Variants in ELAVL2 observed in about 807,000 individuals in gnomAD.
ELAVL2 encodes ELAV like RNA binding protein 2, also known as ELAV-like protein 2.
A neutral mutation model predicts 34.6 loss-of-function variants in ELAVL2; 4 were observed. The ratio of observed to expected loss-of-function variants is 0.12; its 90% CI spans 0.06 to 0.26. The LOEUF (loss-of-function observed/expected upper bound fraction) is 0.26, where lower values mean the gene tolerates loss of function less well. Ranked by LOEUF, ELAVL2 falls within the 10% of genes least tolerant of loss-of-function variation. The pLI is 1.00. For synonymous variants in ELAVL2, 193 were observed against 154.8 expected, an observed-to-expected ratio of 1.25 and a Z score of -1.83; for missense variants, 432 against 442.8, an observed-to-expected ratio of 0.98 and a Z score of 0.22.
intron 1 of ELAVL2, among the ~76,000 whole-genome samples, chr9:23,806,056 A>G (rs1000693456): frequency 1.3e-5 from 2 of 151,934 alleles, no homozygotes; most frequent in South Asian, 4.1e-4. Context: ...GGATGAAAAG[A>G]AATAGCACTT....
At chr9:23,728,992 T>C (rs2134414847) in intron 3 of ELAVL2, among the ~76,000 whole-genome samples, 1 of 152,276 alleles carries the variant, frequency 6.6e-6, no homozygotes, top group Admixed American at 6.5e-5. Flanking sequence ...CACAAAGCTT[T>C]ACTGTGCTTT....
chr9:23,786,790 AAAAAAAAAAAAAAG>A (rs2059736686), intron 1 of ELAVL2, among the ~76,000 whole-genome samples: 1 of 149,860 alleles, frequency 6.7e-6, no homozygotes, highest in African/African-American at 2.5e-5. Context: ...GCAAAAAAAA[AAAAAAAAAAAAAAG>A]AGAGAGAGAG....
At chr9:23,760,410 G>A (rs888495766) in intron 2 of ELAVL2, among the ~76,000 whole-genome samples, 1 of 151,898 alleles carries the variant, frequency 6.6e-6, no homozygotes, top group Non-Finnish European at 1.5e-5. Context: ...TAGCCCTCAA[G>A]TCATTTATCA....
intron 1 of ELAVL2, among the ~76,000 whole-genome samples, chr9:23,818,957 T>C (rs914100124): frequency 6.6e-6 from 1 of 152,216 alleles, no homozygotes; most frequent in Non-Finnish European, 1.5e-5. Context: ...TTTAAAAAAA[T>C]GTCTTTCAGC....
chr9:23,750,717 A>G (rs1005981740), intron 2 of ELAVL2, among the ~76,000 whole-genome samples: 2 of 152,192 alleles, frequency 1.3e-5, no homozygotes, highest in African/African-American at 2.4e-5. Context: ...TATATTCAAA[A>G]TGTTTAGATA....
the ELAVL2 span, among the ~76,000 whole-genome samples, chr9:23,844,639 C>T: frequency 6.6e-6 from 1 of 151,844 alleles, no homozygotes; most frequent in African/African-American, 2.4e-5. Context: ...ACTGAAAACA[C>T]CTAAAAAGCT....
At chr9:23,780,250 T>C (rs2058877824) in intron 1 of ELAVL2, among the ~76,000 whole-genome samples, 1 of 152,022 alleles carries the variant, frequency 6.6e-6, no homozygotes, top group Admixed American at 6.5e-5. Context: ...CCTAATCTCA[T>C]GCATGAGATT....
intron 2 of ELAVL2, among the ~76,000 whole-genome samples, chr9:23,747,913 A>AT (rs569039012): frequency 4.4e-4 from 66 of 149,922 alleles, no homozygotes; most frequent in Non-Finnish European, 5.8e-4. Flanking sequence ...TAAGACCTAA[A>AT]TTTTTTTTTT....
In ELAVL2 at chr9:23,692,415, C is replaced by T. The variant is rs1370483660; in HGVS notation, c.*142G>A. ...CAAATACTAGCAATAAAAAATCTCA[C>T]ATATTTCTTAGGATGCTAAGTAGTC... On this transcript the variant is annotated 3_prime_UTR_variant, in exon 7 of 7. Transcript: ENST00000397312. The T allele has an allele frequency of 7.2e-6, 6 of 833,462 alleles. No individual in the cohort carries two copies. In the African/African-American group the frequency reaches 1.0e-4, roughly 14 times the overall value. 51.6% of individuals were successfully genotyped at this position (833,462 alleles called of 1,614,324 possible).
intron 2 of ELAVL2, among the ~76,000 whole-genome samples, chr9:23,733,289 T>G (rs1381950774): frequency 6.6e-6 from 1 of 152,050 alleles, no homozygotes; most frequent in East Asian, 1.9e-4. Context: ...TATGTGTATA[T>G]GAGATGAGAT....
intron 2 of ELAVL2, among the ~76,000 whole-genome samples, chr9:23,743,894 T>C (rs1269413505): frequency 6.6e-6 from 1 of 152,208 alleles, no homozygotes; most frequent in Non-Finnish European, 1.5e-5. Context: ...TATGTTTTTA[T>C]GGCACCAGAT....
rs144931303 is a variant in ELAVL2 at position 23,802,144 on chromosome 9, A to C, written c.-16+23662T>G. ...AACAAACTAGGACAATGAAACCAATACAGGAAGAAGAAAATGCATGGAGCA... is the reference window on the plus strand; with the variant it reads ...AACAAACTAGGACAATGAAACCAATCCAGGAAGAAGAAAATGCATGGAGCA... On this transcript the variant is annotated intron_variant, in intron 1 of 6. Transcript: ENST00000397312. Among the ~76,000 whole-genome samples the C allele has an allele frequency of 8.5e-5, 13 of 152,344 alleles. No individual in the cohort carries two copies. The East Asian group carries it at 2.1e-3, about 25-fold the overall frequency.
intron 5 of ELAVL2, among the ~76,000 whole-genome samples, chr9:23,695,640 T>C (rs1216039896): frequency 2.0e-5 from 3 of 152,190 alleles, no homozygotes; most frequent in Non-Finnish European, 4.4e-5. Flanking sequence ...GTATGGGCTA[T>C]GGCTCCCAGT....
intron 3 of ELAVL2, among the ~76,000 whole-genome samples, chr9:23,718,707 A>C (rs2042926731): frequency 1.3e-5 from 2 of 152,220 alleles, no homozygotes; most frequent in Admixed American, 6.5e-5. Context: ...AAATTTATTC[A>C]ATACATAAGG....
At chr9:23,794,644 C>T (rs991732208) in intron 1 of ELAVL2, among the ~76,000 whole-genome samples, 2 of 152,136 alleles carry the variant, frequency 1.3e-5, no homozygotes, top group African/African-American at 4.8e-5. Context: ...TCAAACCAGA[C>T]TAATTATTAA....
intron 1 of ELAVL2, among the ~76,000 whole-genome samples, chr9:23,810,905 C>G (rs2062889673): frequency 6.6e-6 from 1 of 152,180 alleles, no homozygotes; most frequent in Non-Finnish European, 1.5e-5. Flanking sequence ...ATTGCCAACT[C>G]CACGTATTTT....
intron 4 of ELAVL2, among the ~76,000 whole-genome samples, chr9:23,702,078 A>T (rs928779019): frequency 6.6e-6 from 1 of 152,232 alleles, no homozygotes; most frequent in African/African-American, 2.4e-5. Context: ...TGCTAAAAAT[A>T]CATACACTGT....
chr9:23,750,529 C>T (rs2135546376), intron 2 of ELAVL2, among the ~76,000 whole-genome samples: 1 of 152,230 alleles, frequency 6.6e-6, no homozygotes, highest in African/African-American at 2.4e-5. Flanking sequence ...AGTACACTGT[C>T]TGCACCATAT....
intron 3 of ELAVL2, among the ~76,000 whole-genome samples, chr9:23,708,401 C>A (rs373687213): frequency 3.3e-5 from 5 of 152,268 alleles, no homozygotes; most frequent in Admixed American, 6.5e-5. Flanking sequence ...AGGTAAATAA[C>A]ATGCCTAAGG....
Sources: allele counts gnomAD v4.1 joint callset (sites outside exome capture counted in the v4.1 genomes callset), GRCh38; gene constraint gnomAD v4.1.1; transcripts MANE v1.5; gene names NCBI Gene and HGNC (gene_info 2026-07-23, HGNC 2026-07-21).